COPS4: variants seen among roughly 807,000 people sequenced by gnomAD.
COPS4 encodes COP9 signalosome complex subunit 4.
A neutral mutation model predicts 55.1 loss-of-function variants in COPS4; 8 were observed. The ratio of observed to expected loss-of-function variants is 0.15; its 90% CI spans 0.09 to 0.26. The LOEUF (loss-of-function observed/expected upper bound fraction) is 0.26. Among genes scored for constraint, COPS4 ranks in the 10% least tolerant of loss-of-function variants. The pLI, the probability that COPS4 is intolerant of heterozygous loss-of-function variation, is 1.00. For missense variants in COPS4, 248 were observed against 484.0 expected, an observed-to-expected ratio of 0.51 and a Z score of 4.58; for synonymous variants, 185 against 165.7, an observed-to-expected ratio of 1.12 and a Z score of -0.90.
At chr4:83,063,975 C>T (rs1433763066) in intron 7 of COPS4, among the ~76,000 whole-genome samples, 3 of 152,314 alleles carry the variant, frequency 2.0e-5, no homozygotes, top group East Asian at 1.9e-4. Context: ...GATGAGATTA[C>T]AGGCGTGAGC....
intron 6 of COPS4, 85 bp downstream of exon 6, chr4:83,057,493 G>T (rs559054064): frequency 4.6e-5 from 50 of 1,082,872 alleles, no homozygotes; most frequent in Non-Finnish European, 6.4e-5. Context: ...AATTTAGCAA[G>T]GAACTATTCT....
chr4:83,035,657 C>G (rs1730399475), intron 1 of COPS4: 1 of 205,776 alleles, frequency 4.9e-6, no homozygotes, highest in Non-Finnish European at 1.0e-5. Context: ...CACACCGAAT[C>G]TGGCCTCTCT....
chr4:83,061,433 G>A (rs1269246051), intron 6 of COPS4, among the ~76,000 whole-genome samples: 1 of 151,978 alleles, frequency 6.6e-6, no homozygotes, highest in Non-Finnish European at 1.5e-5. Flanking sequence ...AAATCATATA[G>A]TGTATTCATT....
At chr4:83,074,653 T>TTTTTTTTTAA (rs1237781002) in intron 9 of COPS4, among the ~76,000 whole-genome samples, 3 of 151,084 alleles carry the variant, frequency 2.0e-5, no homozygotes, top group Non-Finnish European at 4.4e-5. Flanking sequence ...ACTTTTCTTT[T>TTTTTTTTTAA]TTTTTTTTTA....
At chr4:83,073,383 C>T (rs767496561) in intron 9 of COPS4, 9 of 580,022 alleles carry the variant, frequency 1.6e-5, no homozygotes, top group Middle Eastern at 2.6e-4. Flanking sequence ...TTTTTATAGC[C>T]GAATAGCATT....
chr4:83,069,626 G>C (rs970586543), intron 9 of COPS4, among the ~76,000 whole-genome samples: 1 of 152,044 alleles, frequency 6.6e-6, no homozygotes, highest in African/African-American at 2.4e-5. Flanking sequence ...ATTCTCAGTA[G>C]AAAACCTTGT....
chr4:83,042,117 A>G (rs1730583795), intron 1 of COPS4, among the ~76,000 whole-genome samples: 1 of 150,822 alleles, frequency 6.6e-6, no homozygotes, highest in Non-Finnish European at 1.5e-5. Context: ...GGCCCACCTC[A>G]GCCTCCCAAA....
At position 83,075,331 on chromosome 4, in the gene COPS4, C is replaced by T; in HGVS notation, c.1122C>T (p.Ile374=). 1 of 1,613,998 alleles carries T rather than the reference C, an allele frequency of 6.2e-7. No homozygotes were observed. Among genetic ancestry groups the T allele is most frequent in the Non-Finnish European group, 8.5e-7 (1 of 1,179,930 alleles). ...REALPTWDKQ[I]QSLCFQVNNL... ...CCCTGCCAACGTGGGATAAGCAGAT[C>T]CAATCACTTTGTTTCCAAGTGAATA... The change falls in exon 10 of 10, where the codon ATC becomes ATT. Residue 374 remains isoleucine (I), a synonymous_variant. Coordinates refer to ENST00000264389, the MANE Select transcript of COPS4 (RefSeq NM_016129.3).
rs778877800 is a variant in COPS4 at position 83,056,911 on chromosome 4, T to C, written c.411-15T>C. ...AAAATGTTGAGTCATTATGTGTTTT[T>C]CTGTTACATCCTAGACAGTACAATG... On this transcript the variant is annotated splice_polypyrimidine_tract_variant and intron_variant, in intron 4 of 9. Coordinates refer to ENST00000264389, the MANE Select transcript of COPS4 (RefSeq NM_016129.3). 2 of 1,559,996 alleles carry C rather than the reference T, an allele frequency of 1.3e-6. No homozygotes were observed. Among genetic ancestry groups the C allele is most frequent in the South Asian group, 2.4e-5 (2 of 84,166 alleles).
chr4:83,075,550 C>T lies in COPS4; in HGVS notation c.*120C>T, dbSNP rs577634815. On this transcript the variant is annotated 3_prime_UTR_variant, in exon 10 of 10. Transcript: ENST00000264389. ...TTTCAATCCCTTTTATGCTGGATTC[C>T]GTTTAAAGAAGACATTATTAGAGCA... 55 of 1,112,252 alleles carry T rather than the reference C, an allele frequency of 4.9e-5. No homozygotes were observed. The highest frequency in any genetic ancestry group is 5.9e-5 in the Non-Finnish European group (47 of 796,512). 68.9% of individuals were successfully genotyped at this position (1,112,252 alleles called of 1,614,324 possible). A position where few individuals can be genotyped will look rare whatever the true frequency, so the allele number is the denominator to read the frequency against.
intron 9 of COPS4, among the ~76,000 whole-genome samples, chr4:83,069,729 ACTT>A (rs1179655160): frequency 6.6e-6 from 1 of 152,106 alleles, no homozygotes; most frequent in Non-Finnish European, 1.5e-5. Context: ...TGAAATTTTA[ACTT>A]CTTTATCAGA....
At chr4:83,060,007 G>C (rs1352532888) in intron 6 of COPS4, among the ~76,000 whole-genome samples, 1 of 151,712 alleles carries the variant, frequency 6.6e-6, no homozygotes, top group African/African-American at 2.4e-5. Context: ...GGCCGAAACA[G>C]CTCCATTCTT....
chr4:83,042,095 C>T (rs1184092594), intron 1 of COPS4, among the ~76,000 whole-genome samples: 2 of 151,398 alleles, frequency 1.3e-5, no homozygotes, highest in African/African-American at 4.9e-5. Flanking sequence ...GAACTCTTGA[C>T]CTCAAGTGAT....
Position 83,035,193 on chromosome 4 carries a change from GC to G in COPS4, c.-27del. ...CTCGTTTTCTTTTTGGCTGCCAGAGGCCCCCGCATCCACCGCTGAGCTGGGA... is the reference window on the plus strand; with the variant it reads ...CTCGTTTTCTTTTTGGCTGCCAGAGGCCCCGCATCCACCGCTGAGCTGGGA... On this transcript the variant is annotated 5_prime_UTR_variant, in exon 1 of 10. Coordinates refer to ENST00000264389, the MANE Select transcript of COPS4 (RefSeq NM_016129.3). 3 of 1,527,876 alleles carry G rather than the reference GC, an allele frequency of 2.0e-6. No homozygotes were observed. Among genetic ancestry groups the G allele is most frequent in the Non-Finnish European group, 2.7e-6 (3 of 1,123,792 alleles). 94.6% of individuals were successfully genotyped at this position (1,527,876 alleles called of 1,614,324 possible). A position where few individuals can be genotyped will look rare whatever the true frequency, so the allele number is the denominator to read the frequency against.
rs1192467518 is a variant in COPS4, at chr4:83,037,334, A to G, written c.74+2036A>G. 4.6e-5 allele frequency among the ~76,000 whole-genome samples: 7 copies of G among 152,350 alleles called. No individual in the cohort carries two copies. In the East Asian group the frequency reaches 1.3e-3, roughly 29 times the overall value. On this transcript the variant is annotated intron_variant, in intron 1 of 9. Transcript: ENST00000264389. ...AAGGGGAGGGGAAATGGAGCTTACT[A>G]CTACCTCTTTAGTGGCAAAGTTACA...
intron 2 of COPS4, among the ~76,000 whole-genome samples, chr4:83,046,607 A>C (rs1029721465): frequency 6.6e-6 from 1 of 152,236 alleles, no homozygotes; most frequent in African/African-American, 2.4e-5. Flanking sequence ...CACACATTAA[A>C]AAGAATACAA....
At chr4:83,062,180 TAA>T (rs1731176381) in intron 6 of COPS4, among the ~76,000 whole-genome samples, 1 of 152,224 alleles carries the variant, frequency 6.6e-6, no homozygotes, top group Admixed American at 6.5e-5. Context: ...CTGTGAATAT[TAA>T]GTCTCCTATC....
At chr4:83,071,541 C>G (rs957020472) in intron 9 of COPS4, among the ~76,000 whole-genome samples, 1 of 152,076 alleles carries the variant, frequency 6.6e-6, no homozygotes, top group Non-Finnish European at 1.5e-5. Context: ...GCTTCAGCCT[C>G]CCTAGTAGCT....
intron 6 of COPS4, among the ~76,000 whole-genome samples, chr4:83,059,901 C>T (rs1731115421): frequency 6.6e-6 from 1 of 151,912 alleles, no homozygotes; most frequent in African/African-American, 2.4e-5. Context: ...CGGGGTTTCA[C>T]CATGTTAGCC....
Sources: allele counts gnomAD v4.1 joint callset (sites outside exome capture counted in the v4.1 genomes callset), GRCh38; gene constraint gnomAD v4.1.1; transcripts MANE v1.5; gene names NCBI Gene and HGNC (gene_info 2026-07-23, HGNC 2026-07-21).